PRDM2: variants seen among roughly 807,000 people sequenced by gnomAD.
PRDM2 encodes the protein PR/SET domain 2.
Under a neutral mutation model 130.0 loss-of-function variants are expected in PRDM2, and 30 were observed. The observed-to-expected ratio is 0.23, with a 90% CI of 0.17 to 0.31. The LOEUF (loss-of-function observed/expected upper bound fraction) is 0.31, where lower values mean the gene tolerates loss of function less well. Ranked by LOEUF, PRDM2 falls within the 10% of genes least tolerant of loss-of-function variation. The pLI is 1.00. For synonymous variants in PRDM2, 871 were observed against 782.4 expected (o/e 1.11, Z -1.89); for missense variants, 2,011 against 2,108.4 (o/e 0.95, Z 0.90).
chr1:13,790,838 C>A (rs974110005), intron 8 of PRDM2, among the ~76,000 whole-genome samples: 2 of 152,188 alleles, frequency 1.3e-5, no homozygotes, highest in Non-Finnish European at 2.9e-5. Context: ...CCCTCCCCCC[C>A]TTCTGCCCTT....
rs190009068 is a variant in PRDM2 at position 13,791,531 on chromosome 1, C to T, written c.5036+8700C>T. Among the ~76,000 whole-genome samples the T allele has an allele frequency of 2.5e-3, 382 of 152,208 alleles. 1 individual carries two copies. Among genetic ancestry groups the T allele is most frequent in the African/African-American group, 9.1e-3 (378 of 41,526 alleles). ...AACCTTGAGCTGCTGGGCATTAACC[C>T]AAAAAGAAAGTTGGTCTAGGCTGCC... On this transcript the variant is annotated intron_variant, in intron 8 of 9. Coordinates refer to ENST00000311066, the MANE Select transcript of PRDM2 (RefSeq NM_001393986.1).
At chr1:13,711,190 A>G (rs1642360278) in intron 1 of PRDM2, among the ~76,000 whole-genome samples, 1 of 152,016 alleles carries the variant, frequency 6.6e-6, no homozygotes, top group Admixed American at 6.5e-5. Flanking sequence ...ATTCCGTTTC[A>G]CACGTTTGAT....
chr1:13,787,583 T>G, intron 8 of PRDM2: 1 of 978,788 alleles, frequency 1.0e-6, no homozygotes, highest in Non-Finnish European at 1.2e-6. Context: ...TTGTTACATT[T>G]CTGTTATGGG....
chr1:13,824,017 T>TG lies in PRDM2; in HGVS notation c.*883dup, dbSNP rs2100780997. ...AATAGGAAAAAAACAAATTGGGAAA[T>TG]GAAAAAAAAATGGGAAGATTAAAAA... On this transcript the variant is annotated 3_prime_UTR_variant, in exon 10 of 10. Coordinates refer to ENST00000311066, the MANE Select transcript of PRDM2 (RefSeq NM_001393986.1). 6.6e-6 allele frequency: 1 copy of TG among 150,854 alleles called. No homozygotes were observed. The highest frequency in any genetic ancestry group is 2.1e-4 in the South Asian group (1 of 4,748). 9.3% of individuals were successfully genotyped at this position (150,854 alleles called of 1,614,324 possible).
In PRDM2 at chr1:13,824,359, T is replaced by C. The variant is rs1645400732; in HGVS notation, c.*1224T>C. The C allele has an allele frequency of 6.6e-6, 1 of 152,580 alleles. No homozygotes were observed. The highest frequency in any genetic ancestry group is 6.5e-5 in the Admixed American group (1 of 15,290). The allele number at this position is 152,580 out of a possible 1,614,324, so 9.5% of individuals were successfully genotyped here. On this transcript the variant is annotated 3_prime_UTR_variant, in exon 10 of 10. Coordinates refer to ENST00000311066, the MANE Select transcript of PRDM2 (RefSeq NM_001393986.1). ...AAGGGATTTTTTTTTTCAGGGCTAC[T>C]ACGGTTGATCTTGCAACTCTGTAAA...
intron 2 of PRDM2, among the ~76,000 whole-genome samples, chr1:13,721,426 T>C (rs964241172): frequency 6.6e-6 from 1 of 151,878 alleles, no homozygotes; most frequent in Non-Finnish European, 1.5e-5. Context: ...TTATAGATAA[T>C]TATAAATATG....
chr1:13,768,332 C>A (rs1261909826), intron 6 of PRDM2, among the ~76,000 whole-genome samples: 1 of 151,920 alleles, frequency 6.6e-6, no homozygotes, highest in East Asian at 1.9e-4. Flanking sequence ...ATCTGCCCAC[C>A]TTAGCCTCCC....
At chr1:13,795,556 G>A (rs1352786258) in intron 8 of PRDM2, among the ~76,000 whole-genome samples, 1 of 152,210 alleles carries the variant, frequency 6.6e-6, no homozygotes, top group African/African-American at 2.4e-5. Context: ...AAGCAGCAAA[G>A]AATGTGACTT....
chr1:13,787,940 C>G (rs1045419091), intron 8 of PRDM2: 4 of 985,186 alleles, frequency 4.1e-6, no homozygotes, highest in Admixed American at 6.2e-5. Context: ...TTTTTCCCCT[C>G]CCAGCATTGA....
intron 2 of PRDM2, among the ~76,000 whole-genome samples, chr1:13,721,672 A>T (rs1642733500): frequency 6.6e-6 from 1 of 152,216 alleles, no homozygotes; most frequent in African/African-American, 2.4e-5. Context: ...TCAAAAAAAA[A>T]TTAACAACCT....
chr1:13,760,723 G>C (rs1412253751), intron 6 of PRDM2, among the ~76,000 whole-genome samples: 1 of 152,168 alleles, frequency 6.6e-6, no homozygotes, highest in African/African-American at 2.4e-5. Flanking sequence ...CAAGGTTGCT[G>C]TGAGCATTAA....
chr1:13,783,332 A>G (rs1467428067), intron 8 of PRDM2: 2 of 363,924 alleles, frequency 5.5e-6, no homozygotes, highest in African/African-American at 4.3e-5. Context: ...AATTTTAATA[A>G]TTGATTGCAT....
At chr1:13,789,400 C>G (rs1021312450) in intron 8 of PRDM2, among the ~76,000 whole-genome samples, 11 of 152,168 alleles carry the variant, frequency 7.2e-5, no homozygotes, top group Admixed American at 5.9e-4. Flanking sequence ...GTTGTAGGTG[C>G]TTAGGATACA....
intron 4 of PRDM2, among the ~76,000 whole-genome samples, chr1:13,738,123 A>T (rs1273042106): frequency 6.6e-6 from 1 of 152,210 alleles, no homozygotes; most frequent in Non-Finnish European, 1.5e-5. Context: ...GCCTTTTTTA[A>T]ATAAGGGCCT....
At chr1:13,736,184 G>A (rs1643266961) in intron 4 of PRDM2, among the ~76,000 whole-genome samples, 1 of 149,798 alleles carries the variant, frequency 6.7e-6, no homozygotes, top group Admixed American at 6.7e-5. Context: ...CATGTTCACA[G>A]CTCATCCTCT....
chr1:13,802,897 CCT>C (rs1342381873), intron 8 of PRDM2, among the ~76,000 whole-genome samples: 2 of 152,186 alleles, frequency 1.3e-5, no homozygotes, highest in Non-Finnish European at 2.9e-5. Context: ...TTTGGGGCAG[CCT>C]AGAACCAGGT....
At chr1:13,736,316 G>A (rs2100489933) in intron 4 of PRDM2, among the ~76,000 whole-genome samples, 1 of 152,040 alleles carries the variant, frequency 6.6e-6, no homozygotes, top group African/African-American at 2.4e-5. Flanking sequence ...GTTTCACCAT[G>A]TTGCCCAGGC....
At chr1:13,748,292 T>C (rs1643678427) in intron 5 of PRDM2, among the ~76,000 whole-genome samples, 1 of 152,266 alleles carries the variant, frequency 6.6e-6, no homozygotes, top group South Asian at 2.1e-4. Context: ...ACTTTTAGCA[T>C]CCATTTATGA....
At chr1:13,750,169 C>T (rs536158529) in intron 6 of PRDM2, among the ~76,000 whole-genome samples, 9 of 152,130 alleles carry the variant, frequency 5.9e-5, no homozygotes, top group African/African-American at 2.2e-4. Context: ...AGTGTAGTCA[C>T]ACTTAAAAAG....
Sources: gnomAD v4.1 joint callset for allele counts (sites outside exome capture counted in the v4.1 genomes callset) on GRCh38, gnomAD v4.1.1 for gene constraint, MANE v1.5 for transcripts, NCBI Gene and HGNC (gene_info 2026-07-23, HGNC 2026-07-21) for gene names.